Variants in ACVR1 observed in about 807,000 individuals in gnomAD.
ACVR1 encodes the protein activin A receptor type 1.
Under a neutral mutation model 57.1 loss-of-function variants are expected in ACVR1, and 38 were observed. That is an observed-to-expected ratio of 0.67 (90% confidence interval 0.51 to 0.87). The LOEUF (loss-of-function observed/expected upper bound fraction) is 0.87. Ranked by LOEUF, ACVR1 falls within the 40% of genes least tolerant of loss-of-function variation. The pLI is 0.00. For synonymous variants in ACVR1, 212 were observed against 228.1 expected, an observed-to-expected ratio of 0.93 and a Z score of 0.63; for missense variants, 463 against 638.2, an observed-to-expected ratio of 0.73 and a Z score of 2.96.
intron 7 of ACVR1, among the ~76,000 whole-genome samples, chr2:157,768,154 C>A (rs958090645): frequency 6.6e-6 from 1 of 152,170 alleles, no homozygotes; most frequent in African/African-American, 2.4e-5. Flanking sequence ...CTACTTCTTT[C>A]TCTCTCTTCC....
chr2:157,824,858 A>G (rs1274274881), intron 1 of ACVR1, among the ~76,000 whole-genome samples: 1 of 151,306 alleles, frequency 6.6e-6, no homozygotes, highest in Non-Finnish European at 1.5e-5. Flanking sequence ...GGTTCAAGTG[A>G]CTCTCCTGCC....
intron 1 of ACVR1, among the ~76,000 whole-genome samples, chr2:157,848,294 C>T (rs1473955411): frequency 6.6e-6 from 1 of 151,914 alleles, no homozygotes; most frequent in Admixed American, 6.6e-5. Flanking sequence ...AAACTGGAAG[C>T]TTCCACTTCC....
At chr2:157,824,492 C>T (rs1309060551) in intron 1 of ACVR1, among the ~76,000 whole-genome samples, 1 of 152,078 alleles carries the variant, frequency 6.6e-6, no homozygotes, top group Non-Finnish European at 1.5e-5. Context: ...TAATAAGCAA[C>T]TTTGAAATAA....
chr2:157,762,105 C>T (rs73966122), intron 8 of ACVR1, among the ~76,000 whole-genome samples: 1,797 of 152,294 alleles, frequency 0.012, 48 homozygotes, highest in African/African-American at 0.041. Flanking sequence ...GTTCCTCTTT[C>T]ACCTATTTTT....
At chr2:157,769,272 C>T (rs1233532540) in intron 7 of ACVR1, among the ~76,000 whole-genome samples, 2 of 152,118 alleles carry the variant, frequency 1.3e-5, no homozygotes, top group African/African-American at 4.8e-5. Flanking sequence ...ATACCAGTCA[C>T]AAGTGTTGCA....
chr2:157,758,107 CAT>C (rs1290393157), intron 9 of ACVR1, among the ~76,000 whole-genome samples: 1 of 151,902 alleles, frequency 6.6e-6, no homozygotes, highest in Non-Finnish European at 1.5e-5. Context: ...TGTAAAGGCA[CAT>C]ATAGACTGAA....
At chr2:157,838,774 T>C (rs918346507) in intron 1 of ACVR1, among the ~76,000 whole-genome samples, 1 of 152,148 alleles carries the variant, frequency 6.6e-6, no homozygotes, top group Non-Finnish European at 1.5e-5. Context: ...AGTATGTACA[T>C]CTGGGGAGAA....
At chr2:157,805,883 G>A (rs1172838639) in intron 2 of ACVR1, among the ~76,000 whole-genome samples, 1 of 140,796 alleles carries the variant, frequency 7.1e-6, no homozygotes, top group East Asian at 2.2e-4. Context: ...GAGTGCAGTG[G>A]GATAACCTCA....
intron 1 of ACVR1, among the ~76,000 whole-genome samples, chr2:157,822,148 G>A (rs1370867176): frequency 6.6e-6 from 1 of 152,158 alleles, no homozygotes; most frequent in Non-Finnish European, 1.5e-5. Context: ...GTATCTTGCC[G>A]TGGAATTGCC....
chr2:157,793,772 C>T (rs1687008989), intron 3 of ACVR1, among the ~76,000 whole-genome samples: 1 of 152,124 alleles, frequency 6.6e-6, no homozygotes, highest in South Asian at 2.1e-4. Context: ...ATGAGAAAAT[C>T]AAAGAAAGGC....
At chr2:157,781,264 C>T (rs1003786201) in intron 3 of ACVR1, among the ~76,000 whole-genome samples, 10 of 152,178 alleles carry the variant, frequency 6.6e-5, no homozygotes, top group Non-Finnish European at 1.5e-5. Context: ...TCAAAATGCT[C>T]CAATGAGCAT....
At chr2:157,846,784 T>C (rs1466511648) in intron 1 of ACVR1, among the ~76,000 whole-genome samples, 3 of 152,206 alleles carry the variant, frequency 2.0e-5, no homozygotes, top group African/African-American at 7.2e-5. Flanking sequence ...CTGTATAGAT[T>C]CTATACTTCA....
chr2:157,738,475 T>G lies in ACVR1; in HGVS notation c.1360A>C (p.Arg454=), dbSNP rs148153887. The stretch of plus-strand genomic sequence containing the variant: ...AACCATCTGTTGGGTATGTTTGGCC[T>G]TTGTTGATCCACACAGACTACCTTC... ...MRKVVCVDQQ[R]PNIPNRWFSD... Residue 454 remains arginine (R), a synonymous_variant, in exon 10 of 11, where the codon AGG becomes CGG. Coordinates refer to ENST00000434821, the MANE Select transcript of ACVR1 (RefSeq NM_001111067.4). 34 of 1,613,890 alleles carry G rather than the reference T, an allele frequency of 2.1e-5. No homozygotes were observed. The African/African-American group carries it at 4.4e-4, about 21-fold the overall frequency.
At chr2:157,738,392 A>G in intron 10 of ACVR1, 48 bp downstream of exon 10, 1 of 1,613,598 alleles carries the variant, frequency 6.2e-7, no homozygotes, top group South Asian at 1.1e-5. Flanking sequence ...GGAAACAAAT[A>G]GCAAACAATG....
intron 3 of ACVR1, among the ~76,000 whole-genome samples, chr2:157,792,284 C>G (rs13426299): frequency 0.064 from 9,752 of 152,158 alleles, 1,050 homozygotes; most frequent in African/African-American, 0.22. Context: ...TAGCCCGTAA[C>G]AAAGAATTAG....
At position 157,799,370 on chromosome 2, in the gene ACVR1, C is replaced by CTA. The variant is rs1687241230; in HGVS notation, c.67+56_67+57insTA. The CTA allele has an allele frequency of 4.5e-6, 3 of 662,900 alleles. No individual in the cohort carries two copies. In the African/African-American group the frequency reaches 7.7e-5, roughly 17 times the overall value. 41.1% of individuals were successfully genotyped at this position (662,900 alleles called of 1,614,324 possible). A position where few individuals can be genotyped will look rare whatever the true frequency, so the allele number is the denominator to read the frequency against. The stretch of plus-strand genomic sequence containing the variant: ...GGCTTAAGAAGTAGTTTATAGTAAG[C>CTA]CAAAAAAAAAAATCACAGTATACTT... On this transcript the variant is annotated intron_variant, in intron 3 of 10. Transcript: ENST00000434821.
chr2:157,788,811 G>A (rs1399494876), intron 3 of ACVR1, among the ~76,000 whole-genome samples: 4 of 147,562 alleles, frequency 2.7e-5, no homozygotes, highest in Non-Finnish European at 5.9e-5. Flanking sequence ...CAGTCAAAAG[G>A]GTAAAAACTT....
At chr2:157,869,602 G>A (rs1049625680) in intron 1 of ACVR1, among the ~76,000 whole-genome samples, 16 of 152,262 alleles carry the variant, frequency 1.1e-4, no homozygotes, top group Admixed American at 7.8e-4. Context: ...TGTGTACCAG[G>A]TCATGATATA....
At chr2:157,778,457 C>T in intron 4 of ACVR1, 115 bp from the exon 5 acceptor site, 1 of 867,732 alleles carries the variant, frequency 1.2e-6, no homozygotes, top group Non-Finnish European at 1.9e-6. Flanking sequence ...TCTCACAACT[C>T]ACGAAGTATT....
Sources: gnomAD v4.1 joint callset for allele counts (sites outside exome capture counted in the v4.1 genomes callset) on GRCh38, gnomAD v4.1.1 for gene constraint, MANE v1.5 for transcripts, NCBI Gene and HGNC (gene_info 2026-07-23, HGNC 2026-07-21) for gene names.